The following EPS8 variants were observed in gnomAD, a reference collection of about 807,000 sequenced individuals.
The protein encoded by EPS8 is EGFR pathway substrate 8, signaling adaptor, also known as epidermal growth factor receptor kinase substrate 8.
A neutral mutation model predicts 103.8 loss-of-function variants in EPS8; 42 were observed. That is an observed-to-expected ratio of 0.40 (90% CI 0.32 to 0.52). EPS8 has a LOEUF of 0.52. EPS8 is among the 20% of genes least tolerant of loss of function. The pLI, the probability that EPS8 is intolerant of heterozygous loss-of-function variation, is 0.40. For synonymous variants in EPS8, 344 were observed against 344.6 expected (o/e 1.00, Z 0.02); for missense variants, 969 against 1,005.1 (o/e 0.96, Z 0.49).
intron 15 of EPS8, among the ~76,000 whole-genome samples, chr12:15,643,182 T>A (rs1169784626): frequency 1.3e-5 from 2 of 152,104 alleles, no homozygotes; most frequent in Non-Finnish European, 2.9e-5. Context: ...AGGAAAACAG[T>A]AATTTTAGTG....
intron 15 of EPS8, among the ~76,000 whole-genome samples, chr12:15,642,748 G>T (rs916408372): frequency 1.5e-4 from 23 of 152,262 alleles, no homozygotes; most frequent in African/African-American, 5.3e-4. Flanking sequence ...TCCTACCCCT[G>T]TAAAGTTGCC....
intron 1 of EPS8, among the ~76,000 whole-genome samples, chr12:15,775,442 T>C (rs1475851432): frequency 1.3e-5 from 2 of 152,126 alleles, no homozygotes; most frequent in Non-Finnish European, 2.9e-5. Flanking sequence ...AGCTCATAAA[T>C]AGCCAACGTT....
chr12:15,775,123 G>T (rs1352885999), intron 1 of EPS8, among the ~76,000 whole-genome samples: 15 of 152,080 alleles, frequency 9.9e-5, no homozygotes, highest in Non-Finnish European at 2.9e-5. Context: ...TTGCTTGCAA[G>T]TGAAATGCAA....
At position 15,781,335 on chromosome 12, in the gene EPS8, C is replaced by A. The variant is rs1357101228; in HGVS notation, c.-22+7826G>T. The stretch of plus-strand genomic sequence containing the variant: ...AAGAATGTAATTAAGGACACTCTGG[C>A]CATCCTTGCCCTTTTTCTTTAATAA... On this transcript the variant is annotated intron_variant, in intron 1 of 20. Coordinates refer to ENST00000281172, the MANE Select transcript of EPS8 (RefSeq NM_004447.6). This position sits in a 1 kb window ranked among gnomAD's most constrained non-coding sequence, Gnocchi z 4.1. 6.6e-6 allele frequency among the ~76,000 whole-genome samples: 1 copy of A among 152,138 alleles called. No homozygotes were observed. The highest frequency in any genetic ancestry group is 2.4e-5 in the African/African-American group (1 of 41,436).
Position 15,690,112 on chromosome 12 carries a change from A to C in EPS8, c.-21-7140T>G, listed in dbSNP as rs995053480. 6.6e-6 allele frequency among the ~76,000 whole-genome samples: 1 copy of C among 152,226 alleles called. No homozygotes were observed. The highest frequency in any genetic ancestry group is 2.4e-5 in the African/African-American group (1 of 41,470). On this transcript the variant is annotated intron_variant, in intron 1 of 20. Coordinates refer to ENST00000281172, the MANE Select transcript of EPS8 (RefSeq NM_004447.6). The surrounding 1 kb of genome is among the most constrained non-coding windows in gnomAD (Gnocchi z 4.7). ...CTCTGCATCACCTAGAGCAAAGGAC[A>C]TTAAGCAGCAAACAAAATACTGCAG...
chr12:15,660,149 G>C (rs1945579120), intron 10 of EPS8, among the ~76,000 whole-genome samples: 1 of 152,030 alleles, frequency 6.6e-6, no homozygotes, highest in African/African-American at 2.4e-5. Flanking sequence ...ACTCTTCCCT[G>C]AGTTCATCTT....
At chr12:15,628,712 C>A (rs1009698278) in intron 18 of EPS8, among the ~76,000 whole-genome samples, 1 of 152,164 alleles carries the variant, frequency 6.6e-6, no homozygotes, top group Non-Finnish European at 1.5e-5. Flanking sequence ...GGCATGTTGG[C>A]TTTTTTCCCC....
chr12:15,646,518 A>G (rs1945322080), intron 15 of EPS8, among the ~76,000 whole-genome samples: 1 of 152,182 alleles, frequency 6.6e-6, no homozygotes, highest in African/African-American at 2.4e-5. Context: ...ATTAAAAAAA[A>G]AGAACTTATT....
rs1299928100 is a variant in EPS8, at chr12:15,781,758, C to T, written c.-22+7403G>A. 1.3e-5 allele frequency: 2 copies of T among 152,166 alleles called. No homozygotes were observed. Among genetic ancestry groups the T allele is most frequent in the Non-Finnish European group, 2.9e-5 (2 of 68,088 alleles). The allele number at this position is 152,166 out of a possible 1,614,324, so 9.4% of individuals were successfully genotyped here. A position where few individuals can be genotyped will look rare whatever the true frequency, so the allele number is the denominator to read the frequency against. On this transcript the variant is annotated intron_variant, in intron 1 of 20. Coordinates refer to ENST00000281172, the MANE Select transcript of EPS8 (RefSeq NM_004447.6). This position sits in a 1 kb window ranked among gnomAD's most constrained non-coding sequence, Gnocchi z 4.1. ...TTACAGTTATGGAGGTTAAGAAGTC[C>T]ATGGTCGAGGGGCTACATCTGCTAA...
chr12:15,741,466 T>C (rs1414356777), intron 1 of EPS8, among the ~76,000 whole-genome samples: 2 of 152,194 alleles, frequency 1.3e-5, no homozygotes, highest in African/African-American at 2.4e-5. Flanking sequence ...CATCTGCAGT[T>C]TGGGGTAGAA....
intron 18 of EPS8, among the ~76,000 whole-genome samples, chr12:15,630,140 G>T (rs1356302607): frequency 6.6e-6 from 1 of 151,882 alleles, no homozygotes; most frequent in African/African-American, 2.4e-5. Flanking sequence ...CCCTAAGAGA[G>T]GCCCACATTG....
At chr12:15,737,056 T>A (rs1349548740) in intron 1 of EPS8, among the ~76,000 whole-genome samples, 1 of 152,186 alleles carries the variant, frequency 6.6e-6, no homozygotes, top group African/African-American at 2.4e-5. Context: ...GAGATGTTAG[T>A]ATAGTTAACA....
intron 18 of EPS8, among the ~76,000 whole-genome samples, chr12:15,630,453 A>G (rs549384898): frequency 5.9e-5 from 9 of 152,346 alleles, no homozygotes; most frequent in African/African-American, 2.2e-4. Context: ...CTACACTGCT[A>G]TTCACCAATA....
rs1946895478 is a variant in EPS8, at chr12:15,748,227, A to C, written c.-22+40934T>G. On this transcript the variant is annotated intron_variant, in intron 1 of 20. Transcript: ENST00000281172. The surrounding 1 kb of genome is among the most constrained non-coding windows in gnomAD (Gnocchi z 4.8). ...TGTCTACTGCATAAGATCACTGAGA[A>C]GCAAATGATATAATAATGTAAAATG... Among the ~76,000 whole-genome samples, 1 of 152,206 alleles carries C rather than the reference A, an allele frequency of 6.6e-6. No homozygotes were observed. Among genetic ancestry groups the C allele is most frequent in the Admixed American group, 6.5e-5 (1 of 15,284 alleles).
intron 17 of EPS8, among the ~76,000 whole-genome samples, chr12:15,640,254 T>C (rs1283740710): frequency 6.6e-6 from 1 of 152,014 alleles, no homozygotes; most frequent in Admixed American, 6.6e-5. Flanking sequence ...GTGAGATGAG[T>C]GCAAGTTCAA....
chr12:15,689,105 C>T (rs550023889), intron 1 of EPS8, among the ~76,000 whole-genome samples: 2 of 152,074 alleles, frequency 1.3e-5, no homozygotes, highest in African/African-American at 4.8e-5. Context: ...AGAAGCAGAA[C>T]TCAAACTCTG....
At position 15,777,025 on chromosome 12, in the gene EPS8, A is replaced by G. The variant is rs7978937; in HGVS notation, c.-22+12136T>C. Among the ~76,000 whole-genome samples the G allele has an allele frequency of 0.024, 3,598 of 152,310 alleles. 144 individuals carry two copies. Among genetic ancestry groups the G allele is most frequent in the African/African-American group, 0.082 (3,416 of 41,568 alleles). On this transcript the variant is annotated intron_variant, in intron 1 of 20. Transcript: ENST00000281172. The surrounding 1 kb of genome is among the most constrained non-coding windows in gnomAD (Gnocchi z 4.7). ...TAGTCCAATGAGAGCTGATAAAATC[A>G]TTCTTCAACTATTCTACTAACTGCC...
At chr12:15,627,422 A>G (rs1944968548) in intron 18 of EPS8, among the ~76,000 whole-genome samples, 1 of 152,160 alleles carries the variant, frequency 6.6e-6, no homozygotes, top group Non-Finnish European at 1.5e-5. Context: ...CTTTAATTCA[A>G]TAAATACTTG....
intron 1 of EPS8, among the ~76,000 whole-genome samples, chr12:15,765,371 TCAA>T (rs1240258947): frequency 6.6e-6 from 1 of 152,174 alleles, no homozygotes; most frequent in East Asian, 1.9e-4. Flanking sequence ...TCTACCCATA[TCAA>T]CTGGTGACTT....
Sources: allele counts gnomAD v4.1 joint callset (sites outside exome capture counted in the v4.1 genomes callset), GRCh38; gene constraint gnomAD v4.1.1; non-coding constraint Gnocchi (gnomAD v3.1); transcripts MANE v1.5; gene names NCBI Gene and HGNC (gene_info 2026-07-23, HGNC 2026-07-21).